The following CGNL1 variants were observed in gnomAD, a reference collection of about 807,000 sequenced individuals.
CGNL1 encodes cingulin like 1.
A neutral mutation model predicts 141.2 loss-of-function variants in CGNL1; 132 were observed. That is an observed-to-expected ratio of 0.93 (90% CI 0.81 to 1.08). CGNL1 has a LOEUF of 1.08. CGNL1 is among the 50% of genes least tolerant of loss of function. The pLI is 0.00. For missense variants in CGNL1, 1,870 were observed against 1,588.6 expected (o/e 1.18, Z -3.01); for synonymous variants, 690 against 622.1 (o/e 1.11, Z -1.63).
At chr15:57,470,472 T>A (rs1372601780) in intron 8 of CGNL1, among the ~76,000 whole-genome samples, 1 of 151,952 alleles carries the variant, frequency 6.6e-6, no homozygotes, top group African/African-American at 2.4e-5. Context: ...ATGAAAAAAC[T>A]CTGGGGGGCT....
intron 1 of CGNL1, among the ~76,000 whole-genome samples, chr15:57,414,099 TA>T (rs1210773861): frequency 6.6e-6 from 1 of 152,226 alleles, no homozygotes; most frequent in Non-Finnish European, 1.5e-5. Context: ...CTGTTTTTTG[TA>T]AACCAGACTC....
intron 1 of CGNL1, among the ~76,000 whole-genome samples, chr15:57,392,059 T>C (rs1295764241): frequency 1.3e-5 from 2 of 152,092 alleles, no homozygotes; most frequent in Non-Finnish European, 2.9e-5. Flanking sequence ...TAATTTTTGA[T>C]TGTGAATATC....
rs1449679896 is a variant in CGNL1 at position 57,543,833 on chromosome 15, C to A, written c.3375+54C>A. ...CCCCGTCCATCCGCTAACCCTCCCC[C>A]ACTTCACTGCTTTGAACTAGAAGCC... On this transcript the variant is annotated intron_variant, in intron 15 of 18. Transcript: ENST00000281282. The A allele has an allele frequency of 5.2e-6, 7 of 1,347,360 alleles. No individual in the cohort carries two copies. In the Admixed American group the frequency reaches 8.7e-5, roughly 17 times the overall value. The allele number at this position is 1,347,360 out of a possible 1,614,324, so 83.5% of individuals were successfully genotyped here.
intron 1 of CGNL1, among the ~76,000 whole-genome samples, chr15:57,377,916 T>G (rs1335352831): frequency 1.3e-5 from 2 of 152,228 alleles, no homozygotes; most frequent in African/African-American, 2.4e-5. Context: ...ATAATGGAGT[T>G]GCATAAATGT....
chr15:57,394,344 C>T lies in CGNL1; in HGVS notation c.-16+17777C>T, dbSNP rs539861008. Among the ~76,000 whole-genome samples the T allele has an allele frequency of 3.7e-4, 56 of 152,088 alleles. No homozygotes were observed. In the East Asian group the frequency reaches 4.1e-3, roughly 11 times the overall value. On this transcript the variant is annotated intron_variant, in intron 1 of 18. Transcript: ENST00000281282. ...TTCTCCATGTTGGTCAGGCTGCTCTCGAACTCCCGACTTCAGGTGATCCAC... is the reference window on the plus strand; with the variant it reads ...TTCTCCATGTTGGTCAGGCTGCTCTTGAACTCCCGACTTCAGGTGATCCAC...
At chr15:57,403,028 T>A (rs979339142) in intron 1 of CGNL1, among the ~76,000 whole-genome samples, 4 of 152,198 alleles carry the variant, frequency 2.6e-5, no homozygotes, top group African/African-American at 9.6e-5. Context: ...GAGGTGGTGG[T>A]TCAAATGATG....
chr15:57,469,546 G>T (rs7183146), intron 8 of CGNL1, among the ~76,000 whole-genome samples: 81,387 of 151,642 alleles, frequency 0.54, 22,166 homozygotes, highest in Non-Finnish European at 0.59. Flanking sequence ...AGTCTATTGG[G>T]GGAGTTTCTA....
chr15:57,409,948 CG>C (rs1394390123), intron 1 of CGNL1, among the ~76,000 whole-genome samples: 5 of 152,170 alleles, frequency 3.3e-5, no homozygotes, highest in African/African-American at 9.7e-5. Context: ...GTGAGGATCT[CG>C]CCCTTTCTGA....
At chr15:57,507,565 C>A (rs1567159873) in intron 8 of CGNL1, among the ~76,000 whole-genome samples, 1 of 152,088 alleles carries the variant, frequency 6.6e-6, no homozygotes, top group East Asian at 1.9e-4. Context: ...TTAGGTGGTT[C>A]TATAAGCAAG....
intron 1 of CGNL1, among the ~76,000 whole-genome samples, chr15:57,409,037 T>TCACACACA (rs59988268): frequency 0.13 from 18,060 of 141,632 alleles, 1,263 homozygotes; most frequent in East Asian, 0.21. Context: ...TGAGACTCTG[T>TCACACACA]CACACACACA....
At chr15:57,391,979 C>CA (rs1367578748) in intron 1 of CGNL1, among the ~76,000 whole-genome samples, 3 of 151,424 alleles carry the variant, frequency 2.0e-5, no homozygotes, top group South Asian at 4.2e-4. Context: ...TCTTTCCCCC[C>CA]CCTCACCTGA....
At chr15:57,469,083 G>A (rs1392564346) in intron 8 of CGNL1, among the ~76,000 whole-genome samples, 1 of 152,118 alleles carries the variant, frequency 6.6e-6, no homozygotes, top group Non-Finnish European at 1.5e-5. Flanking sequence ...GAGACCTAAT[G>A]TGGGGACATT....
chr15:57,479,661 C>G (rs1398532649), intron 8 of CGNL1, among the ~76,000 whole-genome samples: 1 of 152,074 alleles, frequency 6.6e-6, no homozygotes, highest in Non-Finnish European at 1.5e-5. Context: ...GAGACTCCTT[C>G]TCAAGAAACA....
chr15:57,504,826 C>G (rs540099210), intron 8 of CGNL1, among the ~76,000 whole-genome samples: 1 of 152,260 alleles, frequency 6.6e-6, no homozygotes, highest in Admixed American at 6.5e-5. Context: ...ATTGCATGTG[C>G]CTGGAGGAGA....
rs1454342443 is a variant in CGNL1, at chr15:57,437,934, A to T, written c.-15-51A>T. ...TAATTATTTCAGTCTTCATTTAAAC[A>T]GATGTAATTCTAACCTAATGTCCTC... On this transcript the variant is annotated intron_variant, in intron 1 of 18. Coordinates refer to ENST00000281282, the MANE Select transcript of CGNL1 (RefSeq NM_032866.5). The T allele has an allele frequency of 2.1e-6, 3 of 1,433,520 alleles. No homozygotes were observed. The Admixed American group carries it at 6.4e-5, about 30-fold the overall frequency. The allele number at this position is 1,433,520 out of a possible 1,614,324, so 88.8% of individuals were successfully genotyped here. A position where few individuals can be genotyped will look rare whatever the true frequency, so the allele number is the denominator to read the frequency against.
At chr15:57,498,746 T>C (rs550850004) in intron 8 of CGNL1, among the ~76,000 whole-genome samples, 1 of 152,004 alleles carries the variant, frequency 6.6e-6, no homozygotes, top group South Asian at 2.1e-4. Context: ...ACCATTTCCT[T>C]GAGGAGGTGA....
At chr15:57,515,955 G>A (rs184514801) in intron 8 of CGNL1, among the ~76,000 whole-genome samples, 126 of 151,962 alleles carry the variant, frequency 8.3e-4, no homozygotes, top group African/African-American at 2.7e-3. Context: ...TCAGGAGATC[G>A]AGACCATCCT....
At chr15:57,386,517 CT>C (rs2062485511) in intron 1 of CGNL1, among the ~76,000 whole-genome samples, 1 of 152,156 alleles carries the variant, frequency 6.6e-6, no homozygotes, top group Admixed American at 6.5e-5. Context: ...CAAATAGTTC[CT>C]GCAGCAGGGT....
intron 1 of CGNL1, among the ~76,000 whole-genome samples, chr15:57,401,316 TA>T (rs2062658031): frequency 2.6e-5 from 4 of 152,196 alleles, no homozygotes; most frequent in Admixed American, 2.6e-4. Flanking sequence ...TTACTGGAAA[TA>T]GGGTTGGACG....
Sources: gnomAD v4.1 joint callset for allele counts (sites outside exome capture counted in the v4.1 genomes callset) on GRCh38, gnomAD v4.1.1 for gene constraint, MANE v1.5 for transcripts, NCBI Gene and HGNC (gene_info 2026-07-23, HGNC 2026-07-21) for gene names.